Variants in MRPL42 observed in about 807,000 individuals in gnomAD.
MRPL42 encodes the protein mitochondrial ribosomal protein L42.
A neutral mutation model predicts 17.9 loss-of-function variants in MRPL42; 17 were observed. The ratio of observed to expected loss-of-function variants is 0.95; its 90% CI spans 0.65 to 1.42. The LOEUF is 1.42. Among genes scored for constraint, MRPL42 ranks in the 40% most tolerant of loss-of-function variants. The pLI is 0.00. For missense variants in MRPL42, 177 were observed against 175.2 expected, an observed-to-expected ratio of 1.01 and a Z score of -0.06; for synonymous variants, 59 against 54.4, an observed-to-expected ratio of 1.08 and a Z score of -0.37.
Position 93,487,569 on chromosome 12 carries a change from GA to G in MRPL42, c.297del (p.Val100LeufsTer9). 1 of 1,613,426 alleles carries G rather than the reference GA, an allele frequency of 6.2e-7. No individual in the cohort carries two copies. The highest frequency in any genetic ancestry group is 8.5e-7 in the Non-Finnish European group (1 of 1,179,416). ...TCAAGTGCTGAAAACCAGATTGGAAGAAAAAGTTGAACACCTTGAGGAAGGA... is the reference window on the plus strand; with the variant it reads ...TCAAGTGCTGAAAACCAGATTGGAAGAAAAGTTGAACACCTTGAGGAAGGA... ...HDQVLKTRLE[E>X]KVEHLEEGPM... On this transcript the variant is annotated frameshift_variant, in exon 5 of 6. Transcript: ENST00000549982. LOFTEE classifies it high-confidence loss of function.
chr12:93,471,423 C>T (rs1009013346), intron 2 of MRPL42, among the ~76,000 whole-genome samples: 2 of 152,132 alleles, frequency 1.3e-5, no homozygotes, highest in East Asian at 1.9e-4. Context: ...CTTGGCCTCC[C>T]GAAGTGCTGA....
rs942163366 is a variant in MRPL42 at position 93,512,084 on chromosome 12, A to C, written c.*10863A>C. On this transcript the variant is annotated 3_prime_UTR_variant, in exon 6 of 6. Transcript: ENST00000549982. ...ATTTAGAGATATGATGATTATCTAG[A>C]GGGAAAGTTCTGTTGAGCATATTTG... 6.6e-6 allele frequency: 1 copy of C among 152,228 alleles called. No individual in the cohort carries two copies. Among genetic ancestry groups the C allele is most frequent in the African/African-American group, 2.4e-5 (1 of 41,462 alleles). The allele number at this position is 152,228 out of a possible 1,614,324, so 9.4% of individuals were successfully genotyped here.
intron 4 of MRPL42, among the ~76,000 whole-genome samples, chr12:93,480,614 TCA>T (rs1880413223): frequency 6.6e-6 from 1 of 151,414 alleles, no homozygotes; most frequent in Non-Finnish European, 1.5e-5. Flanking sequence ...CGATCTCGGC[TCA>T]CAGCAGCCTC....
At chr12:93,487,406 C>A in intron 4 of MRPL42, 91 bp from the exon 5 acceptor site, 1 of 1,218,324 alleles carries the variant, frequency 8.2e-7, no homozygotes, top group Non-Finnish European at 1.1e-6. Context: ...TAGTGAATTA[C>A]TGAATATGGT....
At chr12:93,475,711 A>G (rs1880133723) in intron 2 of MRPL42, among the ~76,000 whole-genome samples, 1 of 152,160 alleles carries the variant, frequency 6.6e-6, no homozygotes, top group African/African-American at 2.4e-5. Context: ...ATAGCTGAGC[A>G]CGGTGGCTCA....
At chr12:93,483,703 G>A (rs1880574024) in intron 4 of MRPL42, among the ~76,000 whole-genome samples, 1 of 151,964 alleles carries the variant, frequency 6.6e-6, no homozygotes. Flanking sequence ...AACACTGTAT[G>A]CTTAGGCTAC....
intron 5 of MRPL42, among the ~76,000 whole-genome samples, chr12:93,496,807 T>C (rs932244465): frequency 2.1e-4 from 31 of 148,028 alleles, no homozygotes; most frequent in Non-Finnish European, 1.2e-4. Context: ...ACTATTTTTT[T>C]TGGGGGGGTT....
At position 93,503,291 on chromosome 12, in the gene MRPL42, G is replaced by A. The variant is rs1201955856; in HGVS notation, c.*2070G>A. 6.6e-6 allele frequency: 1 copy of A among 152,140 alleles called. No individual in the cohort carries two copies. Among genetic ancestry groups the A allele is most frequent in the Non-Finnish European group, 1.5e-5 (1 of 68,038 alleles). 9.4% of individuals were successfully genotyped at this position (152,140 alleles called of 1,614,324 possible). A position where few individuals can be genotyped will look rare whatever the true frequency, so the allele number is the denominator to read the frequency against. ...AAGCACTTAATTAGCAGAGAATTTG[G>A]ATGTTCATTAGTTGAGAATGACTAG... On this transcript the variant is annotated 3_prime_UTR_variant, in exon 6 of 6. Transcript: ENST00000549982.
chr12:93,471,525 T>C (rs1879910144), intron 2 of MRPL42, among the ~76,000 whole-genome samples: 1 of 152,032 alleles, frequency 6.6e-6, no homozygotes. Context: ...GGTCTCAAAC[T>C]CCTGACCTCA....
At chr12:93,473,293 C>G (rs1370951233) in intron 2 of MRPL42, among the ~76,000 whole-genome samples, 1 of 152,070 alleles carries the variant, frequency 6.6e-6, no homozygotes, top group African/African-American at 2.4e-5. Context: ...TGAAGTCTCA[C>G]TCTGTTGCCC....
Position 93,504,911 on chromosome 12 carries a change from C to T in MRPL42, c.*3690C>T, listed in dbSNP as rs1016944908. 3.3e-5 allele frequency: 5 copies of T among 152,134 alleles called. No individual in the cohort carries two copies. The highest frequency in any genetic ancestry group is 4.8e-5 in the African/African-American group (2 of 41,424). 9.4% of individuals were successfully genotyped at this position (152,134 alleles called of 1,614,324 possible). ...TGACTACGTGTATCACTGTTTCTAC[C>T]GCCTAACATTGCCTAGCACATTCAT... On this transcript the variant is annotated 3_prime_UTR_variant, in exon 6 of 6. Coordinates refer to ENST00000549982, the MANE Select transcript of MRPL42 (RefSeq NM_014050.4).
In MRPL42 at chr12:93,480,385, C is replaced by T. The variant is rs544706472; in HGVS notation, c.219+913C>T. On this transcript the variant is annotated intron_variant, in intron 4 of 5. Coordinates refer to ENST00000549982, the MANE Select transcript of MRPL42 (RefSeq NM_014050.4). ...ATCCGCCTGCCTCGGCCTCCCAAAG[C>T]GCTGGGATTACAGGCATGAGCCACC... 2.6e-4 allele frequency among the ~76,000 whole-genome samples: 39 copies of T among 151,858 alleles called. No homozygotes were observed. In the South Asian group the frequency reaches 6.2e-3, roughly 24 times the overall value.
At chr12:93,500,990 T>C in intron 5 of MRPL42, 186 bp from the exon 6 acceptor site, 1 of 503,350 alleles carries the variant, frequency 2.0e-6, no homozygotes. Context: ...AATGATTAGG[T>C]AAAGAAAAGA....
At chr12:93,481,428 C>G (rs1264001329) in intron 4 of MRPL42, among the ~76,000 whole-genome samples, 2 of 152,212 alleles carry the variant, frequency 1.3e-5, no homozygotes, top group East Asian at 3.8e-4. Context: ...TCTCTTCCTT[C>G]CTAACAATTT....
intron 4 of MRPL42, among the ~76,000 whole-genome samples, chr12:93,485,007 T>TATACATATATATATATATACACAC (rs1456850328): frequency 6.3e-5 from 3 of 47,766 alleles, no homozygotes; most frequent in African/African-American, 3.2e-4. Flanking sequence ...TATATATATA[T>TATACATATATATATATATACACAC]ATATATATAT....
chr12:93,479,328 A>T lies in MRPL42; in HGVS notation c.135-60A>T, dbSNP rs1170683133. 24 of 1,263,696 alleles carry T rather than the reference A, an allele frequency of 1.9e-5. No individual in the cohort carries two copies. In the Admixed American group the frequency reaches 2.2e-4, roughly 12 times the overall value. 78.3% of individuals were successfully genotyped at this position (1,263,696 alleles called of 1,614,324 possible). ...GAGTCCATCTCAAAAAAAAAAAAAA[A>T]GGTAATCATTTTGCCTTGAATACAG... On this transcript the variant is annotated intron_variant, in intron 3 of 5. Transcript: ENST00000549982.
At chr12:93,474,327 A>G (rs1011026639) in intron 2 of MRPL42, among the ~76,000 whole-genome samples, 17 of 152,024 alleles carry the variant, frequency 1.1e-4, no homozygotes, top group African/African-American at 3.1e-4. Flanking sequence ...GGGTCTCACT[A>G]TATGACCCAA....
chr12:93,490,151 C>T (rs1344660926), intron 5 of MRPL42, among the ~76,000 whole-genome samples: 3 of 152,156 alleles, frequency 2.0e-5, no homozygotes, highest in Non-Finnish European at 4.4e-5. Flanking sequence ...GCATTCATAA[C>T]CAAATCACTC....
chr12:93,470,656 A>T (rs999858395), intron 2 of MRPL42: 1 of 828,208 alleles, frequency 1.2e-6, no homozygotes, highest in Non-Finnish European at 1.6e-6. Context: ...TATTGTTCCC[A>T]TCTTTGTGTC....
Sources: gnomAD v4.1 joint callset for allele counts (sites outside exome capture counted in the v4.1 genomes callset) on GRCh38, gnomAD v4.1.1 for gene constraint, MANE v1.5 for transcripts, NCBI Gene and HGNC (gene_info 2026-07-23, HGNC 2026-07-21) for gene names.